Variants in YTHDC2 observed in about 807,000 individuals in gnomAD.
The protein encoded by YTHDC2 is 3'-5' RNA helicase YTHDC2.
YTHDC2 carries 45 observed loss-of-function variants against 174.9 expected under a neutral mutation model. That is an observed-to-expected ratio of 0.26 (90% confidence interval 0.20 to 0.33). The LOEUF is 0.33. YTHDC2 is among the 10% of genes least tolerant of loss of function. The pLI is 1.00. For missense variants in YTHDC2, 1,650 were observed against 1,723.7 expected, an observed-to-expected ratio of 0.96 and a Z score of 0.76; for synonymous variants, 657 against 574.5, an observed-to-expected ratio of 1.14 and a Z score of -2.05.
At chr5:113,567,427 TC>T (rs1777420382) in intron 22 of YTHDC2, 130 bp downstream of exon 22, 21 of 375,012 alleles carry the variant, frequency 5.6e-5, no homozygotes, top group Middle Eastern at 8.6e-4. Context: ...TATATATATA[TC>T]ATTAAATATT....
intron 26 of YTHDC2, among the ~76,000 whole-genome samples, chr5:113,584,684 G>C (rs1435031775): frequency 6.6e-6 from 1 of 151,730 alleles, no homozygotes; most frequent in Non-Finnish European, 1.5e-5. Flanking sequence ...ACCATCTTGG[G>C]GTATTTTAGA....
intron 16 of YTHDC2, 91 bp from the exon 17 acceptor site, chr5:113,555,959 CTT>C (rs1210958556): frequency 2.9e-6 from 2 of 678,174 alleles, no homozygotes; most frequent in African/African-American, 3.7e-5. Flanking sequence ...TTGAATTAAA[CTT>C]TTGGCATGTT....
Position 113,539,181 on chromosome 5 carries a change from G to T in YTHDC2, c.1210G>T (p.Glu404Ter). The T allele has an allele frequency of 7.7e-7, 1 of 1,290,338 alleles. No homozygotes were observed. The highest frequency in any genetic ancestry group is 2.6e-5 in the East Asian group (1 of 37,832). The allele number at this position is 1,290,338 out of a possible 1,614,324, so 79.9% of individuals were successfully genotyped here. The change falls in exon 8 of 30, where the codon GAA (glutamate) becomes TAA (stop). Residue 404 changes from glutamate (E) to a stop codon, truncating the protein, a stop_gained and splice_region_variant. Coordinates refer to ENST00000161863, the MANE Select transcript of YTHDC2 (RefSeq NM_022828.5). LOFTEE classifies it high-confidence loss of function. ...AAAATATAAAAAGGAAAAACAGCAAGGTAAATTTTTTAATAAAAGAAATAT... is the reference window on the plus strand; with the variant it reads ...AAAATATAAAAAGGAAAAACAGCAATGTAAATTTTTTAATAAAAGAAATAT... ...MLKYKKEKQQ[E>*]EKQQTTLTEW...
At chr5:113,533,162 A>C in intron 5 of YTHDC2, 117 bp downstream of exon 5, 1 of 1,135,666 alleles carries the variant, frequency 8.8e-7, no homozygotes, top group Non-Finnish European at 1.2e-6. Flanking sequence ...TGCTCCAAGT[A>C]AGTCTACATC....
chr5:113,537,205 G>T (rs1775140308), intron 7 of YTHDC2, among the ~76,000 whole-genome samples: 1 of 151,984 alleles, frequency 6.6e-6, no homozygotes. Flanking sequence ...TTTTCAAAAG[G>T]CTGAAATGAT....
At position 113,535,568 on chromosome 5, in the gene YTHDC2, G is replaced by A. The variant is rs553656552; in HGVS notation, c.946-74G>A. On this transcript the variant is annotated intron_variant, in intron 6 of 29. Transcript: ENST00000161863. ...ATTTGAATTAGTGTAAAACCCAGTGGTGCCATTGTTTTTAAAGACTTAGTC... is the reference window on the plus strand; with the variant it reads ...ATTTGAATTAGTGTAAAACCCAGTGATGCCATTGTTTTTAAAGACTTAGTC... 2.2e-6 allele frequency: 3 copies of A among 1,368,594 alleles called. No individual in the cohort carries two copies. The African/African-American group carries it at 4.4e-5, about 20-fold the overall frequency. 84.8% of individuals were successfully genotyped at this position (1,368,594 alleles called of 1,614,324 possible). A position where few individuals can be genotyped will look rare whatever the true frequency, so the allele number is the denominator to read the frequency against.
intron 11 of YTHDC2, 111 bp from the exon 12 acceptor site, chr5:113,548,844 T>A (rs1173961154): frequency 1.7e-6 from 2 of 1,191,884 alleles, no homozygotes; most frequent in East Asian, 2.7e-5. Context: ...TTTATCTTAT[T>A]TTTTATTTAA....
At chr5:113,586,983 A>T (rs868442004) in intron 26 of YTHDC2, among the ~76,000 whole-genome samples, 10 of 6,182 alleles carry the variant, frequency 1.6e-3, no homozygotes, top group African/African-American at 5.4e-3. Flanking sequence ...ATTCATATAT[A>T]ATATATAAAT....
chr5:113,544,268 C>G (rs1775695392), intron 10 of YTHDC2, among the ~76,000 whole-genome samples: 1 of 152,094 alleles, frequency 6.6e-6, no homozygotes, highest in Non-Finnish European at 1.5e-5. Context: ...TCTGGCTCAG[C>G]CTCCTGAGTA....
intron 23 of YTHDC2, among the ~76,000 whole-genome samples, chr5:113,571,053 G>A (rs1047267718): frequency 6.6e-6 from 1 of 152,180 alleles, no homozygotes; most frequent in Non-Finnish European, 1.5e-5. Context: ...TCCTTGTACT[G>A]TGACAGTTTT....
intron 2 of YTHDC2, among the ~76,000 whole-genome samples, chr5:113,519,442 C>T (rs1487866863): frequency 6.6e-6 from 1 of 152,054 alleles, no homozygotes; most frequent in Non-Finnish European, 1.5e-5. Flanking sequence ...AATCCCATCT[C>T]GATTTTTCTC....
intron 4 of YTHDC2, among the ~76,000 whole-genome samples, chr5:113,527,858 G>A (rs924559145): frequency 5.3e-5 from 8 of 151,752 alleles, no homozygotes; most frequent in Admixed American, 1.3e-4. Flanking sequence ...GTGCTATCTC[G>A]GCTTACTGCA....
rs376258050 is a variant in YTHDC2, at chr5:113,513,912, G to C, written c.17G>C (p.Ser6Thr). MSRPS[S>T]VSPRQPAPGG... ...TTCAGGGCAATGTCCAGGCCGAGCA[G>C]CGTCTCCCCGCGGCAGCCGGCTCCT... Residue 6 changes from serine (S) to threonine (T), a missense_variant, in exon 1 of 30, where the codon AGC (serine) becomes ACC (threonine). Physicochemically the swap from Ser to Thr is moderately conservative, Grantham distance 58. Transcript: ENST00000161863. The C allele has an allele frequency of 2.5e-6, 4 of 1,605,168 alleles. No homozygotes were observed. The African/African-American group carries it at 4.0e-5, about 16-fold the overall frequency.
chr5:113,565,402 A>G (rs1777267029), intron 20 of YTHDC2, among the ~76,000 whole-genome samples: 1 of 152,174 alleles, frequency 6.6e-6, no homozygotes, highest in Non-Finnish European at 1.5e-5. Context: ...TCTTTTAGTT[A>G]TATATATACC....
At chr5:113,544,242 G>T (rs761556256) in intron 10 of YTHDC2, among the ~76,000 whole-genome samples, 22 of 152,084 alleles carry the variant, frequency 1.4e-4, no homozygotes, top group African/African-American at 5.1e-4. Flanking sequence ...TCTGCCTCCC[G>T]GGTTCAAGTG....
chr5:113,527,510 A>G (rs1213393947), intron 4 of YTHDC2, among the ~76,000 whole-genome samples: 1 of 152,120 alleles, frequency 6.6e-6, no homozygotes, highest in Non-Finnish European at 1.5e-5. Context: ...AATAAATAGA[A>G]TATTTGTAGG....
At chr5:113,571,966 C>T (rs1004241663) in intron 23 of YTHDC2, among the ~76,000 whole-genome samples, 13 of 152,062 alleles carry the variant, frequency 8.5e-5, no homozygotes, top group South Asian at 2.1e-4. Flanking sequence ...CTGTCTCTAT[C>T]GCCTTCACTT....
chr5:113,525,599 A>T (rs1424716422), intron 3 of YTHDC2, among the ~76,000 whole-genome samples: 2 of 152,098 alleles, frequency 1.3e-5, no homozygotes, highest in Non-Finnish European at 2.9e-5. Flanking sequence ...GACTCCAGGG[A>T]CTAGACTTTC....
rs1175856239 is a variant in YTHDC2, at chr5:113,517,872, C to T, written c.278+2510C>T. Among the ~76,000 whole-genome samples, 7 of 152,034 alleles carry T rather than the reference C, an allele frequency of 4.6e-5. No homozygotes were observed. The South Asian group carries it at 8.3e-4, about 18-fold the overall frequency. Reference sequence around the variant, plus strand: ...ACTTATCCATGAAATTTTCTGTTCACCCTTTGACTTTATTTTATTTTATTT... The same window carrying T: ...ACTTATCCATGAAATTTTCTGTTCATCCTTTGACTTTATTTTATTTTATTT... On this transcript the variant is annotated intron_variant, in intron 2 of 29. Transcript: ENST00000161863.
Sources: allele counts gnomAD v4.1 joint callset (sites outside exome capture counted in the v4.1 genomes callset), GRCh38; gene constraint gnomAD v4.1.1; transcripts MANE v1.5; gene names NCBI Gene and HGNC (gene_info 2026-07-23, HGNC 2026-07-21).